The following PCLO variants were observed in gnomAD, a reference collection of about 807,000 sequenced individuals.
PCLO encodes piccolo presynaptic cytomatrix protein.
A neutral mutation model predicts 427.5 loss-of-function variants in PCLO; 82 were observed. The observed-to-expected ratio is 0.19, with a 90% confidence interval of 0.16 to 0.23. PCLO has a LOEUF of 0.23. Ranked by LOEUF, PCLO falls within the 10% of genes least tolerant of loss-of-function variation. The probability of loss-of-function intolerance (pLI) is 1.00; values close to 1 mark genes in which losing one functional copy is unlikely to be tolerated. For synonymous variants in PCLO, 2,357 were observed against 2,155.4 expected (o/e 1.09, Z -2.59); for missense variants, 6,239 against 6,115.9 (o/e 1.02, Z -0.67).
chr7:82,867,820 A>C (rs1465362811), intron 10 of PCLO, among the ~76,000 whole-genome samples: 1 of 152,194 alleles, frequency 6.6e-6, no homozygotes, highest in Non-Finnish European at 1.5e-5. Flanking sequence ...TCCTCTGATA[A>C]ATTTCAAAAT....
At chr7:82,836,596 T>A (rs541602832) in intron 15 of PCLO, among the ~76,000 whole-genome samples, 1 of 152,302 alleles carries the variant, frequency 6.6e-6, no homozygotes, top group Admixed American at 6.5e-5. Flanking sequence ...TCCAAGTTTT[T>A]AAAATAAAAT....
At chr7:82,818,924 A>T (rs771254767) in intron 20 of PCLO, among the ~76,000 whole-genome samples, 1 of 152,164 alleles carries the variant, frequency 6.6e-6, no homozygotes, top group South Asian at 2.1e-4. Flanking sequence ...TTGAAATGGG[A>T]CACTTTTATC....
At chr7:82,938,303 T>C (rs562287877) in intron 6 of PCLO, among the ~76,000 whole-genome samples, 1 of 151,970 alleles carries the variant, frequency 6.6e-6, no homozygotes, top group Admixed American at 6.6e-5. Context: ...GACACTGTAT[T>C]TCTAAGTTTT....
intron 22 of PCLO, among the ~76,000 whole-genome samples, chr7:82,785,475 C>T (rs1790966151): frequency 6.6e-6 from 1 of 152,104 alleles, no homozygotes; most frequent in African/African-American, 2.4e-5. Flanking sequence ...ATAAAGCTTT[C>T]AAAGTTATAA....
chr7:82,808,563 G>T (rs556131793), intron 20 of PCLO, among the ~76,000 whole-genome samples: 1 of 151,930 alleles, frequency 6.6e-6, no homozygotes, highest in Admixed American at 6.6e-5. Context: ...TTGAAAGCCT[G>T]TGCAAGTGTT....
At chr7:82,995,399 G>C (rs1796473125) in intron 3 of PCLO, among the ~76,000 whole-genome samples, 1 of 151,934 alleles carries the variant, frequency 6.6e-6, no homozygotes, top group Non-Finnish European at 1.5e-5. Context: ...CAGGGTGTCC[G>C]CTGGATTGAA....
intron 3 of PCLO, among the ~76,000 whole-genome samples, chr7:83,054,232 C>T (rs1044539810): frequency 9.2e-5 from 14 of 151,974 alleles, no homozygotes; most frequent in African/African-American, 2.9e-4. Context: ...TTCTTAGGAG[C>T]TCTCTTATGC....
At chr7:83,061,303 C>T (rs527754795) in intron 3 of PCLO, among the ~76,000 whole-genome samples, 1 of 152,246 alleles carries the variant, frequency 6.6e-6, no homozygotes. Context: ...CTCTCTACAA[C>T]ATGGGAATTT....
At chr7:82,974,803 G>A (rs1291065783) in intron 3 of PCLO, among the ~76,000 whole-genome samples, 1 of 152,032 alleles carries the variant, frequency 6.6e-6, no homozygotes, top group African/African-American at 2.4e-5. Flanking sequence ...TTTAGAGACA[G>A]AGTCTTGCTC....
At chr7:82,785,609 G>A (rs921475757) in intron 22 of PCLO, among the ~76,000 whole-genome samples, 24 of 152,118 alleles carry the variant, frequency 1.6e-4, no homozygotes, top group South Asian at 4.1e-4. Flanking sequence ...GGTGATTGGC[G>A]CAATGATGGA....
At position 82,952,025 on chromosome 7, in the gene PCLO, A is replaced by G. The variant is rs772454621; in HGVS notation, c.8928T>C (p.Tyr2976=). ...RFGYRDDHYQ[Y]DRSGPYGYRG... ...TATAACCATATGGCCCTGATCGATC[A>G]TACTGATAGTGGTCATCCCTATAAC... Residue 2976 remains tyrosine (Y), a synonymous_variant, in exon 5 of 25, where the codon TAT becomes TAC. Transcript: ENST00000333891. 2.5e-6 allele frequency: 4 copies of G among 1,613,854 alleles called. No homozygotes were observed. The highest frequency in any genetic ancestry group is 1.7e-5 in the Admixed American group (1 of 59,992).
intron 3 of PCLO, among the ~76,000 whole-genome samples, chr7:82,967,474 C>T (rs1795805732): frequency 6.6e-6 from 1 of 152,042 alleles, no homozygotes; most frequent in Non-Finnish European, 1.5e-5. Flanking sequence ...TGTGCTTGGC[C>T]AAACATTTTC....
At position 82,907,633 on chromosome 7, in the gene PCLO, A is replaced by C. The variant is rs73707107; in HGVS notation, c.13437+1244T>G. Among the ~76,000 whole-genome samples, 530 of 152,144 alleles carry C rather than the reference A, an allele frequency of 3.5e-3. 4 individuals carry two copies. Among genetic ancestry groups the C allele is most frequent in the African/African-American group, 0.012 (512 of 41,562 alleles). On this transcript the variant is annotated intron_variant, in intron 8 of 24. Coordinates refer to ENST00000333891, the MANE Select transcript of PCLO (RefSeq NM_033026.6). The stretch of plus-strand genomic sequence containing the variant: ...CAATACAGGCTGATATGTTTACATG[A>C]AGTAGAATAATGGAATTATATTGAC...
At position 82,950,633 on chromosome 7, in the gene PCLO, T is replaced by C; in HGVS notation, c.9955A>G (p.Asn3319Asp). ...GAAGCAGTTCCAGAAGGGTCATAGT[T>C]ATACTGGTAGATCTGCCGAATCTTT... ...EQKIRQIYQY[N>D]YDPSGTASPQ... The change falls in exon 6 of 25, where the codon AAC becomes GAC. Residue 3319 changes from asparagine to aspartate, a missense_variant. Physicochemically the swap from Asn to Asp is conservative, Grantham distance 23. Transcript: ENST00000333891. The C allele has an allele frequency of 3.1e-6, 5 of 1,613,824 alleles. No individual in the cohort carries two copies. Among genetic ancestry groups the C allele is most frequent in the Non-Finnish European group, 4.2e-6 (5 of 1,179,826 alleles).
intron 22 of PCLO, among the ~76,000 whole-genome samples, chr7:82,786,837 G>A (rs1297514726): frequency 2.0e-5 from 3 of 152,076 alleles, no homozygotes; most frequent in East Asian, 3.9e-4. Flanking sequence ...GAGAACATAC[G>A]GTGTTTGGTT....
intron 1 of PCLO, among the ~76,000 whole-genome samples, chr7:83,161,970 G>T (rs1332969513): frequency 6.6e-6 from 1 of 152,200 alleles, no homozygotes; most frequent in Non-Finnish European, 1.5e-5. Context: ...AACAGAGACA[G>T]GTAAACACCC....
chr7:83,107,712 T>TAAAAAAAGAAAGAACTGGCC (rs1790894383), intron 3 of PCLO, among the ~76,000 whole-genome samples: 1 of 67,742 alleles, frequency 1.5e-5, no homozygotes, highest in Admixed American at 1.7e-4. Context: ...AAGAAGAGAA[T>TAAAAAAAGAAAGAACTGGCC]ATGTGCGGTG....
chr7:83,081,018 T>G (rs1790086139), intron 3 of PCLO, among the ~76,000 whole-genome samples: 2 of 151,972 alleles, frequency 1.3e-5, no homozygotes, highest in Admixed American at 1.3e-4. Flanking sequence ...TTCACCTATT[T>G]TTGAACCACG....
intron 20 of PCLO, among the ~76,000 whole-genome samples, chr7:82,817,454 A>G (rs1442560574): frequency 6.6e-6 from 1 of 152,136 alleles, no homozygotes. Context: ...GCTTCTGGTC[A>G]AAAGAAAATG....
Sources: allele counts gnomAD v4.1 joint callset (sites outside exome capture counted in the v4.1 genomes callset), GRCh38; gene constraint gnomAD v4.1.1; transcripts MANE v1.5; gene names NCBI Gene and HGNC (gene_info 2026-07-23, HGNC 2026-07-21).